The following RDH12 variants were observed in gnomAD, a reference collection of about 807,000 sequenced individuals.
RDH12 encodes all-trans and 9-cis retinol dehydrogenase.
Under a neutral mutation model 34.0 loss-of-function variants are expected in RDH12, and 21 were observed. The ratio of observed to expected loss-of-function variants is 0.62; its 90% CI spans 0.44 to 0.89. The LOEUF is 0.89. RDH12 is among the 40% of genes least tolerant of loss of function. The pLI is 0.00. For synonymous variants in RDH12, 198 were observed against 169.9 expected (o/e 1.17, Z -1.29); for missense variants, 394 against 398.6 (o/e 0.99, Z 0.10).
intron 1 of RDH12, chr14:67,705,860 T>C (rs1251967141): frequency 3.3e-5 from 5 of 152,182 alleles, no homozygotes; most frequent in Non-Finnish European, 7.3e-5. Flanking sequence ...ATTTACAAAA[T>C]AATTTTTATA....
chr14:67,725,263 C>G lies in RDH12; in HGVS notation c.343+9C>G. The G allele has an allele frequency of 3.7e-6, 6 of 1,612,684 alleles. No homozygotes were observed. The highest frequency in any genetic ancestry group is 5.1e-6 in the Non-Finnish European group (6 of 1,179,934). On this transcript the variant is annotated intron_variant, in intron 5 of 8. Coordinates refer to ENST00000551171, the MANE Select transcript of RDH12 (RefSeq NM_152443.3). ...TGAGGGCTTTCTGGCAGGTGAGGTC[C>G]TGATGGGTAGGTAGAAAAGCAGGAA...
At chr14:67,720,587 C>T (rs72723167) in intron 1 of RDH12, among the ~76,000 whole-genome samples, 19,539 of 152,206 alleles carry the variant, frequency 0.13, 1,313 homozygotes, top group East Asian at 0.21. Flanking sequence ...GTCCCTTCCA[C>T]TGATTTGAAA....
Position 67,733,967 on chromosome 14 carries a change from G to A in RDH12, c.*119G>A, listed in dbSNP as rs900110139. 4.2e-5 allele frequency: 30 copies of A among 711,472 alleles called. No homozygotes were observed. The African/African-American group carries it at 4.4e-4, about 10-fold the overall frequency. The allele number at this position is 711,472 out of a possible 1,614,324, so 44.1% of individuals were successfully genotyped here. ...CCAGCTGGTGCTGCGAATCCTGCCT[G>A]CTCTGATCCTCTTGACCCTTCTGGG... On this transcript the variant is annotated 3_prime_UTR_variant, in exon 9 of 9. Transcript: ENST00000551171.
At position 67,722,716 on chromosome 14, in the gene RDH12, T is replaced by A. The variant is rs757501261; in HGVS notation, c.68+6T>A. 3.7e-6 allele frequency: 6 copies of A among 1,612,274 alleles called. No individual in the cohort carries two copies. Among genetic ancestry groups the A allele is most frequent in the South Asian group, 2.2e-5 (2 of 91,046 alleles). On this transcript the variant is annotated splice_donor_region_variant and intron_variant, in intron 3 of 8. Transcript: ENST00000551171. ...ATGGTAGCTCCATCCATCAGGTTTG[T>A]CTTAATTCAGCAACTCAAACAATCG...
chr14:67,724,110 T>A (rs2038156267), intron 3 of RDH12, among the ~76,000 whole-genome samples: 1 of 120,648 alleles, frequency 8.3e-6, no homozygotes, highest in South Asian at 4.6e-4. Flanking sequence ...CATGCATATG[T>A]TTTGAATGTA....
chr14:67,711,607 A>G (rs554511895), intron 1 of RDH12, among the ~76,000 whole-genome samples: 1 of 152,344 alleles, frequency 6.6e-6, no homozygotes, highest in Non-Finnish European at 1.5e-5. Flanking sequence ...ATGCATTGAC[A>G]TATTAGTCAT....
At chr14:67,721,277 C>T (rs1594863642) in intron 2 of RDH12, among the ~76,000 whole-genome samples, 1 of 152,138 alleles carries the variant, frequency 6.6e-6, no homozygotes. Context: ...GGCAATGAAT[C>T]CCACTTACCC....
intron 1 of RDH12, 151 bp from the exon 2 acceptor site, chr14:67,720,697 C>T (rs1203704967): frequency 2.6e-5 from 4 of 152,198 alleles, no homozygotes; most frequent in African/African-American, 7.2e-5. Context: ...CCTACCTGTA[C>T]TTAGTAGTAT....
Position 67,729,282 on chromosome 14 carries a change from C to T in RDH12, c.750C>T (p.Leu250=). 1 of 1,605,386 alleles carries T rather than the reference C, an allele frequency of 6.2e-7. No individual in the cohort carries two copies. Among genetic ancestry groups the T allele is most frequent in the Non-Finnish European group, 8.5e-7 (1 of 1,179,970 alleles). ...CCCTGCTCTGCCTGCTCTGGCGGCT[C>T]TTCTCCCCCTTTGTCAAGACGGCAC... ...HSSLLCLLWR[L]FSPFVKTARE... The change falls in exon 8 of 9, where the codon CTC becomes CTT. Residue 250 remains leucine, a synonymous_variant. Coordinates refer to ENST00000551171, the MANE Select transcript of RDH12 (RefSeq NM_152443.3).
intron 1 of RDH12, among the ~76,000 whole-genome samples, chr14:67,707,923 A>G (rs1456750926): frequency 2.6e-5 from 4 of 152,200 alleles, no homozygotes; most frequent in African/African-American, 4.8e-5. Flanking sequence ...CCAAGGGGCT[A>G]TCTTGGTTCC....
intron 1 of RDH12, among the ~76,000 whole-genome samples, chr14:67,708,750 C>G (rs1046117461): frequency 1.1e-4 from 17 of 151,690 alleles, no homozygotes; most frequent in African/African-American, 3.9e-4. Flanking sequence ...ACCAAATAAG[C>G]CAAATATGTC....
At chr14:67,702,436 TA>T (rs542157763) in intron 1 of RDH12, among the ~76,000 whole-genome samples, 2 of 152,034 alleles carry the variant, frequency 1.3e-5, no homozygotes, top group Non-Finnish European at 2.9e-5. Flanking sequence ...GTCTTACTTA[TA>T]AAAAAAATCA....
At chr14:67,706,044 T>G (rs998010582) in intron 1 of RDH12, 1 of 152,192 alleles carries the variant, frequency 6.6e-6, no homozygotes, top group Non-Finnish European at 1.5e-5. Context: ...GGGCTTGTAG[T>G]GTATTGTGCC....
chr14:67,710,432 A>C lies in RDH12; in HGVS notation c.-275+8497A>C, dbSNP rs532016476. Among the ~76,000 whole-genome samples the C allele has an allele frequency of 1.5e-4, 23 of 152,322 alleles. 1 individual carries two copies. The South Asian group carries it at 4.3e-3, about 29-fold the overall frequency. On this transcript the variant is annotated intron_variant, in intron 1 of 8. Transcript: ENST00000551171. ...TTTTGTTTGTTTTATAAATCCGCTT[A>C]TTGTGACTTACATAGACCTTTTGTG...
chr14:67,723,581 C>T lies in RDH12; in HGVS notation c.68+871C>T, dbSNP rs187488530. Among the ~76,000 whole-genome samples the T allele has an allele frequency of 7.5e-3, 1,147 of 152,282 alleles. 7 individuals are homozygous for T. The highest frequency in any genetic ancestry group is 0.012 in the Non-Finnish European group (795 of 68,028). ...GGAGGTTAAATGGACCTACCAAGGACAGTGTTATTCTAGGTTCTCCATAGA... is the reference window on the plus strand; with the variant it reads ...GGAGGTTAAATGGACCTACCAAGGATAGTGTTATTCTAGGTTCTCCATAGA... On this transcript the variant is annotated intron_variant, in intron 3 of 8. Transcript: ENST00000551171.
In RDH12 at chr14:67,722,722, T is replaced by C. The variant is rs778920811; in HGVS notation, c.68+12T>C. 11 of 1,609,520 alleles carry C rather than the reference T, an allele frequency of 6.8e-6. No homozygotes were observed. The highest frequency in any genetic ancestry group is 9.4e-6 in the Non-Finnish European group (11 of 1,175,928). On this transcript the variant is annotated intron_variant, in intron 3 of 8. Transcript: ENST00000551171. Reference sequence around the variant, plus strand: ...GCTCCATCCATCAGGTTTGTCTTAATTCAGCAACTCAAACAATCGTTTACA... The same window carrying C: ...GCTCCATCCATCAGGTTTGTCTTAACTCAGCAACTCAAACAATCGTTTACA...
At chr14:67,729,428 G>T in intron 8 of RDH12, 48 bp downstream of exon 8, 5 of 1,560,522 alleles carry the variant, frequency 3.2e-6, no homozygotes, top group Non-Finnish European at 4.4e-6. Flanking sequence ...TGCATGGGAG[G>T]TGCCGGACTC....
At position 67,729,876 on chromosome 14, in the gene RDH12, G is replaced by A. The variant is rs140614667; in HGVS notation, c.848+496G>A. 2.7e-5 allele frequency: 12 copies of A among 452,084 alleles called. No individual in the cohort carries two copies. In the Middle Eastern group the frequency reaches 3.0e-3, roughly 112 times the overall value. The allele number at this position is 452,084 out of a possible 1,614,324, so 28.0% of individuals were successfully genotyped here. On this transcript the variant is annotated intron_variant, in intron 8 of 8. Transcript: ENST00000551171. Reference sequence around the variant, plus strand: ...CTGAATCTTATCATGAACTCAATGAGCAACTAGAGTCTGGGAGTAAAGGGA... The same window carrying A: ...CTGAATCTTATCATGAACTCAATGAACAACTAGAGTCTGGGAGTAAAGGGA...
intron 1 of RDH12, among the ~76,000 whole-genome samples, chr14:67,711,850 A>G (rs984241033): frequency 6.6e-6 from 1 of 152,234 alleles, no homozygotes; most frequent in Non-Finnish European, 1.5e-5. Context: ...ATGGATGTCA[A>G]ATCAAACACA....
Sources: gnomAD v4.1 joint callset for allele counts (sites outside exome capture counted in the v4.1 genomes callset) on GRCh38, gnomAD v4.1.1 for gene constraint, MANE v1.5 for transcripts, NCBI Gene and HGNC (gene_info 2026-07-23, HGNC 2026-07-21) for gene names.